CCDC148: variants seen among roughly 807,000 people sequenced by gnomAD.
CCDC148 encodes coiled-coil domain containing 148, also known as coiled-coil domain-containing protein 148.
A neutral mutation model predicts 85.7 loss-of-function variants in CCDC148; 89 were observed. The observed-to-expected ratio is 1.04, with a 90% CI of 0.87 to 1.24. The LOEUF (loss-of-function observed/expected upper bound fraction) is 1.24. CCDC148 is among the 50% of genes most tolerant of loss of function. CCDC148 has a pLI of 0.00. For missense variants in CCDC148, 692 were observed against 671.7 expected (o/e 1.03, Z -0.33); for synonymous variants, 230 against 213.9 (o/e 1.08, Z -0.66).
intron 9 of CCDC148, among the ~76,000 whole-genome samples, chr2:158,283,024 G>A (rs1224541569): frequency 3.9e-5 from 6 of 152,116 alleles, no homozygotes; most frequent in Admixed American, 3.3e-4. Context: ...AACAAGCAAT[G>A]GGGAAAGGAT....
At chr2:158,240,131 G>T (rs1688285754) in intron 10 of CCDC148, among the ~76,000 whole-genome samples, 1 of 149,662 alleles carries the variant, frequency 6.7e-6, no homozygotes, top group African/African-American at 2.5e-5. Flanking sequence ...TGCTGTGAGA[G>T]ATCTCGGTGG....
intron 1 of CCDC148, among the ~76,000 whole-genome samples, chr2:158,402,843 T>A (rs747706465): frequency 2.0e-5 from 3 of 152,068 alleles, no homozygotes; most frequent in Non-Finnish European, 4.4e-5. Context: ...AAGTGTACTA[T>A]TTCAAACTAG....
intron 7 of CCDC148, among the ~76,000 whole-genome samples, chr2:158,316,336 A>G (rs1321652997): frequency 6.6e-6 from 1 of 152,230 alleles, no homozygotes; most frequent in African/African-American, 2.4e-5. Flanking sequence ...GTGCATTTTT[A>G]TACATTGCCT....
intron 7 of CCDC148, among the ~76,000 whole-genome samples, chr2:158,314,427 A>C (rs1692185716): frequency 6.6e-6 from 1 of 152,234 alleles, no homozygotes; most frequent in Admixed American, 6.5e-5. Flanking sequence ...AGTGCTTCAT[A>C]GAGGCAATAC....
At chr2:158,408,448 T>C (rs964264986) in intron 1 of CCDC148, among the ~76,000 whole-genome samples, 18 of 152,156 alleles carry the variant, frequency 1.2e-4, no homozygotes, top group Admixed American at 7.2e-4. Flanking sequence ...AGTTTGACTA[T>C]TTTAAATTCC....
intron 1 of CCDC148, among the ~76,000 whole-genome samples, chr2:158,361,478 T>G (rs1235675032): frequency 9.9e-5 from 15 of 152,164 alleles, no homozygotes; most frequent in Admixed American, 4.6e-4. Flanking sequence ...CGGATCTCTC[T>G]GCAGAAACCC....
At chr2:158,182,223 C>G (rs1684939249) in intron 11 of CCDC148, among the ~76,000 whole-genome samples, 1 of 151,804 alleles carries the variant, frequency 6.6e-6, no homozygotes, top group Non-Finnish European at 1.5e-5. Flanking sequence ...GGAATTGAAG[C>G]CACAAGGCAG....
intron 1 of CCDC148, among the ~76,000 whole-genome samples, chr2:158,379,941 G>A (rs1684803952): frequency 6.6e-6 from 1 of 151,972 alleles, no homozygotes. Flanking sequence ...TATCTCCAAG[G>A]TACACCTGTA....
intron 9 of CCDC148, among the ~76,000 whole-genome samples, chr2:158,265,345 G>A (rs1574504883): frequency 6.6e-6 from 1 of 151,972 alleles, no homozygotes; most frequent in Non-Finnish European, 1.5e-5. Context: ...ATGTGCAAAT[G>A]TCTTGGGTTT....
Position 158,342,021 on chromosome 2 carries a change from CTTTTCTTTTTTTTTT to C in CCDC148, c.252-1356_252-1342del, listed in dbSNP as rs1345624603. ...CATTTTATGTACGTGTCATTATTTT[CTTTTCTTTTTTTTTT>C]TTTTTTTTTTTGAGAAGGAGTCTTG... On this transcript the variant is annotated intron_variant, in intron 3 of 13. Transcript: ENST00000283233. 1.8e-4 allele frequency among the ~76,000 whole-genome samples: 15 copies of C among 85,638 alleles called. 1 individual carries two copies. In the South Asian group the frequency reaches 5.3e-3, roughly 30 times the overall value. The allele number at this position is 85,638 out of a possible 152,430, so 56.2% of individuals were successfully genotyped here. A position where few individuals can be genotyped will look rare whatever the true frequency, so the allele number is the denominator to read the frequency against.
chr2:158,232,466 T>TA (rs946026443), intron 10 of CCDC148, among the ~76,000 whole-genome samples: 3 of 151,422 alleles, frequency 2.0e-5, no homozygotes, highest in Non-Finnish European at 2.9e-5. Context: ...AAGTTTAACT[T>TA]AAAAAAAAAC....
chr2:158,299,705 A>G (rs1691355042), intron 9 of CCDC148, among the ~76,000 whole-genome samples: 1 of 152,194 alleles, frequency 6.6e-6, no homozygotes, highest in Non-Finnish European at 1.5e-5. Flanking sequence ...TGGAACTGGA[A>G]CTCAGAAAAC....
chr2:158,184,329 C>A (rs1399112466), intron 11 of CCDC148, among the ~76,000 whole-genome samples: 2 of 152,100 alleles, frequency 1.3e-5, no homozygotes, highest in Non-Finnish European at 2.9e-5. Context: ...GGAACCCCAT[C>A]TTTTAATTGA....
chr2:158,430,023 C>A (rs745921002), intron 1 of CCDC148, among the ~76,000 whole-genome samples: 2 of 152,202 alleles, frequency 1.3e-5, no homozygotes, highest in African/African-American at 4.8e-5. Flanking sequence ...GTTCATAAAT[C>A]TGCATGTGGC....
chr2:158,411,896 C>A (rs551362577), intron 1 of CCDC148, among the ~76,000 whole-genome samples: 126 of 152,160 alleles, frequency 8.3e-4, no homozygotes, highest in Non-Finnish European at 1.6e-3. Flanking sequence ...TGCAGCAGTG[C>A]TGGGTGCATG....
At chr2:158,362,474 G>T (rs182075023) in intron 1 of CCDC148, among the ~76,000 whole-genome samples, 1 of 152,138 alleles carries the variant, frequency 6.6e-6, no homozygotes, top group Non-Finnish European at 1.5e-5. Flanking sequence ...CAGTCTCTCA[G>T]ATCACAGTGC....
chr2:158,342,188 C>A (rs775901150), intron 3 of CCDC148, among the ~76,000 whole-genome samples: 10 of 151,426 alleles, frequency 6.6e-5, no homozygotes, highest in Admixed American at 6.6e-4. Context: ...CGCCACCATG[C>A]CTGGCTAATT....
At chr2:158,330,642 CTTTT>C (rs964345547) in intron 7 of CCDC148, among the ~76,000 whole-genome samples, 1 of 151,746 alleles carries the variant, frequency 6.6e-6, no homozygotes, top group African/African-American at 2.4e-5. Context: ...TGGTCCTGGA[CTTTT>C]TTTTGGTTGG....
intron 1 of CCDC148, among the ~76,000 whole-genome samples, chr2:158,434,036 T>A (rs1225086614): frequency 6.6e-6 from 1 of 152,140 alleles, no homozygotes; most frequent in Non-Finnish European, 1.5e-5. Flanking sequence ...AGACTCCACC[T>A]CTGGGGGCAC....
Sources: allele counts gnomAD v4.1 joint callset (sites outside exome capture counted in the v4.1 genomes callset), GRCh38; gene constraint gnomAD v4.1.1; transcripts MANE v1.5; gene names NCBI Gene and HGNC (gene_info 2026-07-23, HGNC 2026-07-21).